NUP160: variants seen among roughly 807,000 people sequenced by gnomAD.
NUP160 encodes the protein nuclear pore complex protein Nup160.
NUP160 carries 94 observed loss-of-function variants against 196.9 expected under a neutral mutation model. The observed-to-expected ratio is 0.48, with a 90% CI of 0.40 to 0.57. The LOEUF (loss-of-function observed/expected upper bound fraction) is 0.57, where lower values mean the gene tolerates loss of function less well. NUP160 is among the 20% of genes least tolerant of loss of function. NUP160 has a pLI of 0.00. For missense variants in NUP160, 1,638 were observed against 1,748.3 expected, an observed-to-expected ratio of 0.94 and a Z score of 1.13; for synonymous variants, 605 against 619.7, an observed-to-expected ratio of 0.98 and a Z score of 0.35.
At chr11:47,806,852 CAT>C (rs750485693) in intron 19 of NUP160, among the ~76,000 whole-genome samples, 32 of 124,332 alleles carry the variant, frequency 2.6e-4, no homozygotes, top group South Asian at 8.0e-4. Flanking sequence ...CACACACACA[CAT>C]ATATATACCA....
intron 29 of NUP160, among the ~76,000 whole-genome samples, chr11:47,790,009 G>C (rs1389720635): frequency 6.7e-6 from 1 of 150,012 alleles, no homozygotes; most frequent in Non-Finnish European, 1.5e-5. Flanking sequence ...GCAATGGCGC[G>C]ATCTCGGCTC....
At chr11:47,795,015 T>G (rs2097670061) in intron 27 of NUP160, among the ~76,000 whole-genome samples, 1 of 151,888 alleles carries the variant, frequency 6.6e-6, no homozygotes, top group Non-Finnish European at 1.5e-5. Flanking sequence ...GCAGGAGAAT[T>G]GCTTGAACCT....
At chr11:47,809,403 C>G (rs2097679731) in intron 17 of NUP160, among the ~76,000 whole-genome samples, 1 of 151,880 alleles carries the variant, frequency 6.6e-6, no homozygotes. Context: ...TGTGCATTAC[C>G]TGTAGACCAA....
At position 47,798,234 on chromosome 11, in the gene NUP160, T is replaced by C. The variant is rs761860296; in HGVS notation, c.3020A>G (p.His1007Arg). ...GCTATTGTGACCCAAATCCAAATGA[T>C]GTTTGAAAATACATGTCCTTAGAGT... The change falls in exon 25 of 36, where the codon CAT (histidine) becomes CGT (arginine). Residue 1007 changes from histidine to arginine, a missense_variant. This residue lies in a region of NUP160 where 1,345 missense variants were observed against 1,470.2 expected (regional missense o/e 0.91). Transcript: ENST00000378460. 1 of 1,612,362 alleles carries C rather than the reference T, an allele frequency of 6.2e-7. No individual in the cohort carries two copies. The highest frequency in any genetic ancestry group is 1.1e-5 in the South Asian group (1 of 90,996).
chr11:47,810,801 C>T (rs1234838636), intron 17 of NUP160, among the ~76,000 whole-genome samples: 1 of 152,128 alleles, frequency 6.6e-6, no homozygotes, highest in Admixed American at 6.6e-5. Flanking sequence ...CCACCTCAGC[C>T]TCGCAAAGTG....
intron 7 of NUP160, among the ~76,000 whole-genome samples, chr11:47,831,242 A>C (rs1233044221): frequency 6.6e-6 from 1 of 152,196 alleles, no homozygotes; most frequent in Non-Finnish European, 1.5e-5. Flanking sequence ...CAAATAACCA[A>C]TAAGCACTAA....
chr11:47,816,975 A>AGTTT (rs1851740082), intron 11 of NUP160, among the ~76,000 whole-genome samples: 1 of 123,572 alleles, frequency 8.1e-6, no homozygotes, highest in Admixed American at 8.2e-5. Context: ...AAATCCTTTC[A>AGTTT]GTTTTTTTTT....
chr11:47,835,490 T>C (rs1852155221), intron 7 of NUP160, among the ~76,000 whole-genome samples, 161 bp downstream of exon 7: 1 of 152,126 alleles, frequency 6.6e-6, no homozygotes, highest in African/African-American at 2.4e-5. Flanking sequence ...GACCCCTCCT[T>C]CAAGATCTTC....
chr11:47,804,624 C>A lies in NUP160; in HGVS notation c.2607-6G>T, dbSNP rs760562797. On this transcript the variant is annotated splice_polypyrimidine_tract_variant and splice_region_variant and intron_variant, in intron 20 of 35. Transcript: ENST00000378460. The stretch of plus-strand genomic sequence containing the variant: ...AACCAGGATTGCTAGGCCATCTAGT[C>A]ATTGGTTAAGGATATTTCTTAATTT... 1.3e-6 allele frequency: 2 copies of A among 1,515,572 alleles called. No individual in the cohort carries two copies. The highest frequency in any genetic ancestry group is 2.7e-5 in the South Asian group (2 of 74,262). 93.9% of individuals were successfully genotyped at this position (1,515,572 alleles called of 1,614,324 possible).
At chr11:47,809,861 C>T (rs11605085) in intron 17 of NUP160, among the ~76,000 whole-genome samples, 5,477 of 149,392 alleles carry the variant, frequency 0.037, 99 homozygotes, top group Middle Eastern at 0.065. Flanking sequence ...ACAAAAAATA[C>T]TATGTAGTTT....
rs776138457 is a variant in NUP160, at chr11:47,825,454, C to CT, written c.1102-3291dup. On this transcript the variant is annotated intron_variant, in intron 7 of 35. Coordinates refer to ENST00000378460, the Ensembl canonical transcript of NUP160. ...ACCACCATGCCCAGCTAATTTTTGC[C>CT]TTTTTTTTTTTTTTTTGAGACGGAG... is the stretch of plus-strand genomic sequence containing the variant. Among the ~76,000 whole-genome samples, 356 of 122,820 alleles carry CT rather than the reference C, an allele frequency of 2.9e-3. 3 individuals are homozygous for CT. Among genetic ancestry groups the CT allele is most frequent in the Middle Eastern group, 0.011 (3 of 264 alleles). 80.6% of individuals were successfully genotyped at this position (122,820 alleles called of 152,430 possible).
intron 2 of NUP160, among the ~76,000 whole-genome samples, chr11:47,842,112 A>C (rs967966321): frequency 1.3e-5 from 2 of 151,780 alleles, no homozygotes; most frequent in Non-Finnish European, 2.9e-5. Flanking sequence ...CTTCCTTTTT[A>C]AACAGTCTCT....
At chr11:47,806,788 T>TACACACACAC (rs1491520212) in intron 19 of NUP160, among the ~76,000 whole-genome samples, 3 of 106,414 alleles carry the variant, frequency 2.8e-5, no homozygotes, top group African/African-American at 3.5e-5. Context: ...GGAAAGCAGC[T>TACACACACAC]ATACACACAC....
chr11:47,812,496 TA>T (rs2097681748), intron 15 of NUP160, 67 bp from the exon 16 acceptor site: 1 of 1,422,074 alleles, frequency 7.0e-7, no homozygotes, highest in African/African-American at 1.4e-5. Context: ...ATATGTCCTA[TA>T]AGCTAAATAC....
intron 16 of NUP160, 36 bp from the exon 17 acceptor site, chr11:47,812,260 T>C (rs1211874056): frequency 9.3e-6 from 15 of 1,613,742 alleles, no homozygotes; most frequent in Non-Finnish European, 1.3e-5. Context: ...GAATGCATCA[T>C]TGTTTTAATC....
intron 34 of NUP160, among the ~76,000 whole-genome samples, chr11:47,781,639 T>G (rs571971041): frequency 6.6e-6 from 1 of 152,278 alleles, no homozygotes; most frequent in East Asian, 1.9e-4. Context: ...GCCATCTGTA[T>G]GAGCCTGTGA....
chr11:47,806,083 G>T, intron 20 of NUP160, 70 bp downstream of exon 20: 1 of 1,443,946 alleles, frequency 6.9e-7, no homozygotes, highest in South Asian at 1.2e-5. Context: ...CAAAGTGCTG[G>T]GATTACAGGT....
chr11:47,819,282 C>T, intron 10 of NUP160, 92 bp downstream of exon 10: 2 of 889,270 alleles, frequency 2.2e-6, no homozygotes, highest in Non-Finnish European at 3.6e-6. Context: ...CACTGTACCC[C>T]AGCCTGGGCC....
chr11:47,785,794 G>A (rs1337907117), intron 32 of NUP160, among the ~76,000 whole-genome samples: 1 of 152,200 alleles, frequency 6.6e-6, no homozygotes, highest in East Asian at 1.9e-4. Context: ...TTATTCTGAT[G>A]TGCTAATTTA....
Sources: allele counts gnomAD v4.1 joint callset (sites outside exome capture counted in the v4.1 genomes callset), GRCh38; gene constraint gnomAD v4.1.1; regional missense constraint gnomAD v4.1.1; transcripts MANE v1.5; gene names NCBI Gene and HGNC (gene_info 2026-07-23, HGNC 2026-07-21).